Variants in CRAMP1 observed in about 807,000 individuals in gnomAD.
CRAMP1 encodes cramped chromatin regulator 1, also known as protein cramped-like.
A neutral mutation model predicts 115.4 loss-of-function variants in CRAMP1; 50 were observed. That is an observed-to-expected ratio of 0.43 (90% CI 0.35 to 0.55). The LOEUF (loss-of-function observed/expected upper bound fraction) is 0.55, where lower values mean the gene tolerates loss of function less well. Ranked by LOEUF, CRAMP1 falls within the 20% of genes least tolerant of loss-of-function variation. The probability of loss-of-function intolerance (pLI) is 0.01; values close to 1 mark genes in which losing one functional copy is unlikely to be tolerated. For missense variants in CRAMP1, 1,679 were observed against 1,721.7 expected (o/e 0.98, Z 0.44); for synonymous variants, 866 against 745.4 (o/e 1.16, Z -2.64).
At chr16:1,659,748 T>G in intron 10 of CRAMP1, 138 bp from the exon 11 acceptor site, 1 of 829,040 alleles carries the variant, frequency 1.2e-6, no homozygotes, top group Non-Finnish European at 1.9e-6. Flanking sequence ...AGGTTGGGCG[T>G]CTCTGGCCCT....
At chr16:1,670,931 C>A in intron 20 of CRAMP1, 122 bp downstream of exon 20, 1 of 874,836 alleles carries the variant, frequency 1.1e-6, no homozygotes, top group Non-Finnish European at 1.7e-6. Context: ...GAACAGGAGA[C>A]AGCACGTCCA....
chr16:1,642,473 C>T (rs964557945), intron 6 of CRAMP1, among the ~76,000 whole-genome samples: 1 of 152,246 alleles, frequency 6.6e-6, no homozygotes, highest in Non-Finnish European at 1.5e-5. Context: ...GACAGACTTC[C>T]CAGAGTGGGT....
intron 5 of CRAMP1, 43 bp downstream of exon 5, chr16:1,637,950 C>A: frequency 1.0e-6 from 1 of 1,003,550 alleles, no homozygotes; most frequent in Non-Finnish European, 1.4e-6. Context: ...TCCTCCTGTC[C>A]TTTGTCACCT....
Position 1,673,997 on chromosome 16 carries a change from G to C in CRAMP1, c.3762G>C (p.Leu1254=). The C allele has an allele frequency of 6.2e-7, 1 of 1,612,694 alleles. No homozygotes were observed. Among genetic ancestry groups the C allele is most frequent in the Admixed American group, 1.7e-5 (1 of 60,026 alleles). The change falls in exon 21 of 21, where the codon CTG becomes CTC. Residue 1254 remains leucine (L), a synonymous_variant. Transcript: ENST00000397412. Reference sequence around the variant, plus strand: ...CTGAGCCTGGCCGCCGAGAAGCTCTGTTTGATGGTGGTGGAGGCGGCCCCG... The same window carrying C: ...CTGAGCCTGGCCGCCGAGAAGCTCTCTTTGATGGTGGTGGAGGCGGCCCCG... ...SIAEPGRREA[L]FDGGGGGPAV...
At position 1,633,058 on chromosome 16, in the gene CRAMP1, C is replaced by G. The variant is rs1036568325; in HGVS notation, c.694+693C>G. On this transcript the variant is annotated intron_variant, in intron 4 of 20. Transcript: ENST00000397412. The stretch of plus-strand genomic sequence containing the variant: ...ACACAGCTTGGTCCTTCCAGATGTA[C>G]CCCCAGAGCACCCCTCTGCCTTCTG... 3.0e-4 allele frequency among the ~76,000 whole-genome samples: 45 copies of G among 152,210 alleles called. 1 individual carries two copies. Among genetic ancestry groups the G allele is most frequent in the Admixed American group, 2.7e-3 (41 of 15,290 alleles).
intron 2 of CRAMP1, among the ~76,000 whole-genome samples, chr16:1,619,537 T>C (rs1188402592): frequency 6.6e-6 from 1 of 152,192 alleles, no homozygotes; most frequent in Admixed American, 6.5e-5. Flanking sequence ...AAGGAGACAT[T>C]TCCAGGAGTT....
intron 14 of CRAMP1, 91 bp from the exon 15 acceptor site, chr16:1,665,982 T>C: frequency 1.2e-6 from 1 of 800,988 alleles, no homozygotes; most frequent in Non-Finnish European, 2.1e-6. Context: ...CTCCCAACAG[T>C]GGCTGTAAAG....
At chr16:1,652,362 C>A in intron 6 of CRAMP1, 134 bp from the exon 7 acceptor site, 1 of 671,120 alleles carries the variant, frequency 1.5e-6, no homozygotes, top group Non-Finnish European at 2.6e-6. Context: ...CACTGTCCTA[C>A]GCGGGCTCGA....
At chr16:1,641,809 G>A (rs1242808210) in intron 6 of CRAMP1, among the ~76,000 whole-genome samples, 1 of 152,036 alleles carries the variant, frequency 6.6e-6, no homozygotes, top group Non-Finnish European at 1.5e-5. Flanking sequence ...TACAGCTTGG[G>A]GAAGGTCCCC....
intron 10 of CRAMP1, among the ~76,000 whole-genome samples, chr16:1,659,068 C>A (rs941078593): frequency 6.6e-6 from 1 of 152,162 alleles, no homozygotes; most frequent in Non-Finnish European, 1.5e-5. Flanking sequence ...GCCTGCACAA[C>A]CCCCAAAGTT....
chr16:1,614,929 A>C lies in CRAMP1; in HGVS notation c.290A>C (p.Asp97Ala). The C allele has an allele frequency of 4.6e-6, 6 of 1,290,602 alleles. No homozygotes were observed. Among genetic ancestry groups the C allele is most frequent in the Non-Finnish European group, 5.9e-6 (6 of 1,021,244 alleles). 79.9% of individuals were successfully genotyped at this position (1,290,602 alleles called of 1,614,324 possible). A position where few individuals can be genotyped will look rare whatever the true frequency, so the allele number is the denominator to read the frequency against. The part of the protein sequence containing the change: ...VRPQSKRPRK[D>A]PPSAVGSGNA... The stretch of plus-strand genomic sequence containing the variant: ...CCGCAGAGCAAGAGGCCCAGGAAGG[A>C]TCCTCCGAGCGCTGTGGGGAGCGGC... The change falls in exon 2 of 21, where the codon GAT becomes GCT. Residue 97 changes from aspartate to alanine, a missense_variant. Transcript: ENST00000397412. This position sits in a 1 kb window ranked among gnomAD's most constrained non-coding sequence, Gnocchi z 4.4.
At chr16:1,668,834 G>A (rs1003698150) in intron 18 of CRAMP1, among the ~76,000 whole-genome samples, 167 bp from the exon 19 acceptor site, 1 of 152,220 alleles carries the variant, frequency 6.6e-6, no homozygotes. Context: ...TCCCTGCAGA[G>A]CTGTTCTGCG....
Position 1,666,045 on chromosome 16 carries a change from A to G in CRAMP1, c.2753-28A>G, listed in dbSNP as rs1378842689. 3 of 1,496,022 alleles carry G rather than the reference A, an allele frequency of 2.0e-6. No homozygotes were observed. Among genetic ancestry groups the G allele is most frequent in the South Asian group, 1.2e-5 (1 of 83,998 alleles). 92.7% of individuals were successfully genotyped at this position (1,496,022 alleles called of 1,614,324 possible). Reference sequence around the variant, plus strand: ...TGAGGGCATGGCGGGCGGGCTCGACATGTCTGCTTTTGCCCTCGCCCTCGC... The same window carrying G: ...TGAGGGCATGGCGGGCGGGCTCGACGTGTCTGCTTTTGCCCTCGCCCTCGC... On this transcript the variant is annotated intron_variant, in intron 14 of 20. Coordinates refer to ENST00000397412, the MANE Select transcript of CRAMP1 (RefSeq NM_020825.4). This position sits in a 1 kb window ranked among gnomAD's most constrained non-coding sequence, Gnocchi z 5.0.
In CRAMP1 at chr16:1,656,348, A is replaced by C. The variant is rs750952543; in HGVS notation, c.1591A>C (p.Arg531=). The change falls in exon 10 of 21, where the codon AGG becomes CGG. Residue 531 remains arginine, a synonymous_variant. Coordinates refer to ENST00000397412, the MANE Select transcript of CRAMP1 (RefSeq NM_020825.4). This position sits in a 1 kb window ranked among gnomAD's most constrained non-coding sequence, Gnocchi z 5.6. ...TCTTGAGAAGACCCCTGCAGAAGGC[A>C]GGGACAGTCCCACCCGGGAGCCAGG... is the stretch of plus-strand genomic sequence containing the variant. ...PCLEKTPAEG[R]DSPTREPGAL... 6.2e-7 allele frequency: 1 copy of C among 1,607,884 alleles called. No individual in the cohort carries two copies. Among genetic ancestry groups the C allele is most frequent in the African/African-American group, 1.3e-5 (1 of 74,920 alleles).
chr16:1,639,260 ATGCACAAAC>A (rs931201383), intron 5 of CRAMP1, among the ~76,000 whole-genome samples: 1 of 152,128 alleles, frequency 6.6e-6, no homozygotes, highest in Non-Finnish European at 1.5e-5. Flanking sequence ...ATTGTACAAA[ATGCACAAAC>A]AAAGCAAGGG....
At chr16:1,631,122 A>AG (rs1424050545) in intron 3 of CRAMP1, among the ~76,000 whole-genome samples, 4 of 152,228 alleles carry the variant, frequency 2.6e-5, no homozygotes, top group Non-Finnish European at 4.4e-5. Context: ...GCTCCCAGTG[A>AG]GGACCTTCTG....
intron 11 of CRAMP1, among the ~76,000 whole-genome samples, chr16:1,661,228 G>T (rs907802246): frequency 2.6e-5 from 4 of 152,042 alleles, no homozygotes; most frequent in African/African-American, 9.7e-5. Context: ...AGGCTGAGGT[G>T]GGAGGATCAC....
intron 10 of CRAMP1, among the ~76,000 whole-genome samples, chr16:1,657,747 G>A (rs1393579287): frequency 6.6e-6 from 1 of 152,176 alleles, no homozygotes; most frequent in Non-Finnish European, 1.5e-5. Flanking sequence ...GCTGCCAGGA[G>A]TAATCCTACC....
intron 2 of CRAMP1, among the ~76,000 whole-genome samples, chr16:1,617,490 G>A (rs755949447): frequency 2.6e-5 from 4 of 152,266 alleles, no homozygotes; most frequent in Non-Finnish European, 4.4e-5. Flanking sequence ...GGAGAAATCT[G>A]CATCTGGAGT....
Sources: allele counts gnomAD v4.1 joint callset (sites outside exome capture counted in the v4.1 genomes callset), GRCh38; gene constraint gnomAD v4.1.1; non-coding constraint Gnocchi (gnomAD v3.1); transcripts MANE v1.5; gene names NCBI Gene and HGNC (gene_info 2026-07-23, HGNC 2026-07-21).